The following IQCK variants were observed in gnomAD, a reference collection of about 807,000 sequenced individuals.
IQCK encodes IQ motif containing K.
IQCK carries 29 observed loss-of-function variants against 28.1 expected under a neutral mutation model. The observed-to-expected ratio is 1.03, with a 90% CI of 0.77 to 1.41. The LOEUF (loss-of-function observed/expected upper bound fraction) is 1.41, where lower values mean the gene tolerates loss of function less well. Ranked by LOEUF, IQCK falls within the 40% of genes most tolerant of loss-of-function variation. IQCK has a pLI of 0.00. For missense variants in IQCK, 359 were observed against 314.7 expected (o/e 1.14, Z -1.07); for synonymous variants, 113 against 115.1 (o/e 0.98, Z 0.12).
chr16:19,753,263 T>G (rs80051405), intron 4 of IQCK, among the ~76,000 whole-genome samples: 1 of 148,264 alleles, frequency 6.7e-6, no homozygotes, highest in East Asian at 2.0e-4. Flanking sequence ...AAAAAAAAAA[T>G]TTTTGAAAAT....
chr16:19,726,323 T>C (rs980760094), intron 1 of IQCK, among the ~76,000 whole-genome samples: 2 of 152,220 alleles, frequency 1.3e-5, no homozygotes, highest in African/African-American at 4.8e-5. Context: ...AAACTTTTAA[T>C]GTATAAGATT....
At chr16:19,748,199 C>T (rs1364454747) in intron 4 of IQCK, among the ~76,000 whole-genome samples, 2 of 151,636 alleles carry the variant, frequency 1.3e-5, no homozygotes, top group African/African-American at 2.4e-5. Flanking sequence ...CTCAGCCTCC[C>T]GAATAGCTGG....
chr16:19,769,601 A>G (rs1319187591), intron 6 of IQCK, among the ~76,000 whole-genome samples: 1 of 152,216 alleles, frequency 6.6e-6, no homozygotes, highest in Non-Finnish European at 1.5e-5. Flanking sequence ...TAGGGATGAG[A>G]TGGAAGCTAC....
At chr16:19,757,330 CA>C (rs1454215770) in intron 4 of IQCK, among the ~76,000 whole-genome samples, 1 of 152,154 alleles carries the variant, frequency 6.6e-6, no homozygotes, top group East Asian at 1.9e-4. Flanking sequence ...TACGTGCATC[CA>C]GTATAAAAAT....
chr16:19,830,403 AG>A (rs1381285765), downstream of IQCK, among the ~76,000 whole-genome samples: 9 of 152,252 alleles, frequency 5.9e-5, no homozygotes, highest in African/African-American at 2.2e-4. Context: ...CCTGCAGCAG[AG>A]GGGCTGGAGG....
chr16:19,719,826 A>G (rs1977431323), intron 1 of IQCK, among the ~76,000 whole-genome samples: 2 of 151,598 alleles, frequency 1.3e-5, no homozygotes, highest in Non-Finnish European at 2.9e-5. Context: ...GGCACCCGTC[A>G]TCATTCCTGG....
chr16:19,765,801 GA>G (rs2055226003), intron 6 of IQCK, among the ~76,000 whole-genome samples: 1 of 151,828 alleles, frequency 6.6e-6, no homozygotes, highest in Admixed American at 6.6e-5. Flanking sequence ...AAAATTTATT[GA>G]TTTACATATA....
At chr16:19,759,648 A>G (rs529014465) in intron 4 of IQCK, among the ~76,000 whole-genome samples, 62 of 152,346 alleles carry the variant, frequency 4.1e-4, no homozygotes, top group Non-Finnish European at 7.6e-4. Context: ...ATGACAGACA[A>G]GCACACGGAA....
At chr16:19,735,651 C>T in intron 4 of IQCK, 1 of 563,932 alleles carries the variant, frequency 1.8e-6, no homozygotes, top group South Asian at 2.0e-5. Context: ...TGTCTGGCCA[C>T]TTGGACTCCG....
chr16:19,838,489 A>G (rs1349990718), intron 9 of IQCK, among the ~76,000 whole-genome samples: 1 of 152,110 alleles, frequency 6.6e-6, no homozygotes, highest in Non-Finnish European at 1.5e-5. Flanking sequence ...CACACCCAGA[A>G]TGACTCTTTC....
chr16:19,756,289 G>A (rs951769181), intron 4 of IQCK, among the ~76,000 whole-genome samples: 2 of 152,186 alleles, frequency 1.3e-5, no homozygotes, highest in Admixed American at 6.5e-5. Flanking sequence ...AGTAAAGACA[G>A]CATGGAGCAG....
At chr16:19,732,837 A>G (rs990638256) in intron 2 of IQCK, among the ~76,000 whole-genome samples, 20 of 152,098 alleles carry the variant, frequency 1.3e-4, no homozygotes, top group African/African-American at 4.8e-4. Flanking sequence ...AGGCTGTTTC[A>G]TTGGTTTACA....
intron 6 of IQCK, among the ~76,000 whole-genome samples, chr16:19,768,299 T>C (rs1349870462): frequency 1.3e-5 from 2 of 152,136 alleles, no homozygotes; most frequent in East Asian, 3.8e-4. Flanking sequence ...GGATGGACAG[T>C]TTGAGTACAG....
intron 1 of IQCK, 133 bp from the exon 2 acceptor site, chr16:19,730,297 G>A (rs1977791177): frequency 1.7e-6 from 1 of 598,472 alleles, no homozygotes; most frequent in Non-Finnish European, 2.8e-6. Flanking sequence ...ACCTGTCATG[G>A]CCAGTTGTTT....
chr16:19,783,076 G>A (rs150177488), intron 6 of IQCK, among the ~76,000 whole-genome samples: 2,123 of 151,364 alleles, frequency 0.014, 47 homozygotes, highest in African/African-American at 0.048. Context: ...TTGGCTCACT[G>A]CAACCTCTGC....
chr16:19,837,970 C>T lies in IQCK; in HGVS notation c.802+10833C>T, dbSNP rs867920729. On this transcript the variant is annotated intron_variant, in intron 9 of 9. Coordinates refer to the IQCK transcript ENST00000320394. ...TCAGGGGATCTGAGTTCCTGTTCGA[C>T]TGTGCAATTTACCAGCTACATGGAC... Among the ~76,000 whole-genome samples the T allele has an allele frequency of 3.3e-5, 5 of 152,228 alleles. No homozygotes were observed. The South Asian group carries it at 8.3e-4, about 25-fold the overall frequency.
chr16:19,778,306 G>A (rs2055424492), intron 6 of IQCK, among the ~76,000 whole-genome samples: 1 of 152,156 alleles, frequency 6.6e-6, no homozygotes, highest in Admixed American at 6.5e-5. Context: ...GTGGGACTAA[G>A]CCCTTATCCT....
intron 1 of IQCK, among the ~76,000 whole-genome samples, chr16:19,728,818 A>G (rs1280299728): frequency 6.6e-6 from 1 of 152,200 alleles, no homozygotes; most frequent in Non-Finnish European, 1.5e-5. Flanking sequence ...TTAACCTGCA[A>G]CCTGACATTC....
exon 10 of IQCK, chr16:19,856,587 T>C (rs746138819): frequency 6.5e-7 from 1 of 1,544,510 alleles, no homozygotes; most frequent in Non-Finnish European, 8.9e-7. Flanking sequence ...CGAGCACAAG[T>C]TACCTTGTGC....
Sources: gnomAD v4.1 joint callset for allele counts (sites outside exome capture counted in the v4.1 genomes callset) on GRCh38, gnomAD v4.1.1 for gene constraint, MANE v1.5 for transcripts, NCBI Gene and HGNC (gene_info 2026-07-23, HGNC 2026-07-21) for gene names.